The following ST6GALNAC5 variants were observed in gnomAD, a reference collection of about 807,000 sequenced individuals.
ST6GALNAC5 encodes the protein alpha-N-acetylgalactosaminide alpha-2,6-sialyltransferase 5.
In ST6GALNAC5, 27 loss-of-function variants were observed where a neutral mutation model predicts 33.6. That is an observed-to-expected ratio of 0.80 (90% confidence interval 0.59 to 1.11). ST6GALNAC5 has a LOEUF of 1.11. Ranked by LOEUF, ST6GALNAC5 falls within the 50% of genes least tolerant of loss-of-function variation. The probability of loss-of-function intolerance (pLI) is 0.00; values close to 1 mark genes in which losing one functional copy is unlikely to be tolerated. For synonymous variants in ST6GALNAC5, 194 were observed against 171.2 expected (o/e 1.13, Z -1.04); for missense variants, 428 against 454.0 (o/e 0.94, Z 0.52).
chr1:77,002,413 A>C (rs28891765), intron 2 of ST6GALNAC5, among the ~76,000 whole-genome samples: 120,777 of 151,984 alleles, frequency 0.79, 48,835 homozygotes, highest in East Asian at 0.93. Flanking sequence ...AGCGGTCTGT[A>C]AATTTTGTTG....
chr1:76,914,654 C>T lies in ST6GALNAC5; in HGVS notation c.261+45912C>T, dbSNP rs1045513474. ...GCTAGCCATATGTAGACAGCTGAAA[C>T]TGGATCCCTTCCTTACACCTTATAC... On this transcript the variant is annotated intron_variant, in intron 2 of 4. Transcript: ENST00000477717. Among the ~76,000 whole-genome samples the T allele has an allele frequency of 1.3e-3, 194 of 152,296 alleles. 1 individual carries two copies. Among genetic ancestry groups the T allele is most frequent in the Middle Eastern group, 3.4e-3 (1 of 294 alleles).
chr1:76,888,981 TC>T, intron 2 of ST6GALNAC5, among the ~76,000 whole-genome samples: 1 of 152,230 alleles, frequency 6.6e-6, no homozygotes, highest in African/African-American at 2.4e-5. Context: ...TTAACTATAA[TC>T]ACTGTGATGT....
chr1:77,038,787 C>G (rs1026071411), intron 2 of ST6GALNAC5, among the ~76,000 whole-genome samples: 1 of 152,196 alleles, frequency 6.6e-6, no homozygotes, highest in Admixed American at 6.5e-5. Flanking sequence ...CCTGTCACCA[C>G]AGCCCAAAGG....
At chr1:76,972,251 T>C (rs1648789076) in intron 2 of ST6GALNAC5, among the ~76,000 whole-genome samples, 1 of 152,150 alleles carries the variant, frequency 6.6e-6, no homozygotes, top group Non-Finnish European at 1.5e-5. Flanking sequence ...TCAGCTCTTG[T>C]GAGACTTATT....
At position 77,004,865 on chromosome 1, in the gene ST6GALNAC5, G is replaced by T. The variant is rs560213403; in HGVS notation, c.262-39339G>T. On this transcript the variant is annotated intron_variant, in intron 2 of 4. Transcript: ENST00000477717. ...TCTGCCCGTTCTCAGATCTCCAGCT[G>T]CGTGCTGGGAGAACCACTGCTCTCT... Among the ~76,000 whole-genome samples the T allele has an allele frequency of 3.3e-3, 450 of 135,918 alleles. 7 individuals carry two copies. Among genetic ancestry groups the T allele is most frequent in the African/African-American group, 0.011 (434 of 40,404 alleles). 89.2% of individuals were successfully genotyped at this position (135,918 alleles called of 152,430 possible). A position where few individuals can be genotyped will look rare whatever the true frequency, so the allele number is the denominator to read the frequency against.
At position 77,065,113 on chromosome 1, in the gene ST6GALNAC5, ACT is replaced by A. The variant is rs1200202596; in HGVS notation, c.*1910_*1911del. The A allele has an allele frequency of 6.6e-6, 1 of 152,162 alleles. No individual in the cohort carries two copies. Among genetic ancestry groups the A allele is most frequent in the African/African-American group, 2.4e-5 (1 of 41,442 alleles). 9.4% of individuals were successfully genotyped at this position (152,162 alleles called of 1,614,324 possible). A position where few individuals can be genotyped will look rare whatever the true frequency, so the allele number is the denominator to read the frequency against. On this transcript the variant is annotated 3_prime_UTR_variant, in exon 5 of 5. Transcript: ENST00000477717. Reference sequence around the variant, plus strand: ...CAACACATTGTCTTCCACAGCATGGACTCTGAACACATCATACTTTATCAACA... The same window carrying A: ...CAACACATTGTCTTCCACAGCATGGACTGAACACATCATACTTTATCAACA...
rs1652712327 is a variant in ST6GALNAC5 at position 77,064,549 on chromosome 1, C to T, written c.*1343C>T. The T allele has an allele frequency of 6.6e-6, 1 of 152,152 alleles. No individual in the cohort carries two copies. The highest frequency in any genetic ancestry group is 1.5e-5 in the Non-Finnish European group (1 of 68,028). 9.4% of individuals were successfully genotyped at this position (152,152 alleles called of 1,614,324 possible). A position where few individuals can be genotyped will look rare whatever the true frequency, so the allele number is the denominator to read the frequency against. ...TCATTCAACTCATTTATGCTATGAA[C>T]TGTTTAGACTCACTACAAATCTTCT... On this transcript the variant is annotated 3_prime_UTR_variant, in exon 5 of 5. Coordinates refer to ENST00000477717, the MANE Select transcript of ST6GALNAC5 (RefSeq NM_030965.3).
intron 2 of ST6GALNAC5, among the ~76,000 whole-genome samples, chr1:76,911,697 T>A (rs1347355316): frequency 6.6e-6 from 1 of 152,214 alleles, no homozygotes. Flanking sequence ...GAGGAATTTA[T>A]CCATTTCTTC....
At chr1:76,967,038 C>T (rs1102453) in intron 2 of ST6GALNAC5, among the ~76,000 whole-genome samples, 78,842 of 151,996 alleles carry the variant, frequency 0.52, 20,993 homozygotes, top group African/African-American at 0.64. Context: ...TGTTCATCAG[C>T]GATACTGGTC....
intron 2 of ST6GALNAC5, chr1:76,995,444 G>A (rs907904795): frequency 1.3e-5 from 2 of 152,218 alleles, no homozygotes; most frequent in Admixed American, 6.5e-5. Context: ...AAGGCAGGAA[G>A]TCTGCCAGGC....
At chr1:76,985,718 A>G (rs935260840) in intron 2 of ST6GALNAC5, among the ~76,000 whole-genome samples, 1 of 152,196 alleles carries the variant, frequency 6.6e-6, no homozygotes, top group Non-Finnish European at 1.5e-5. Context: ...AAGCAAAAAG[A>G]ACAAAGCTGG....
chr1:76,909,986 T>C (rs9728378), intron 2 of ST6GALNAC5, among the ~76,000 whole-genome samples: 12,952 of 152,072 alleles, frequency 0.085, 817 homozygotes, highest in Non-Finnish European at 0.13. Flanking sequence ...GTAGTCATAA[T>C]ATGCTTAGGA....
chr1:76,921,832 A>C (rs1167714230), intron 2 of ST6GALNAC5, among the ~76,000 whole-genome samples: 1 of 152,196 alleles, frequency 6.6e-6, no homozygotes, highest in East Asian at 1.9e-4. Flanking sequence ...GCTCTCAGCA[A>C]ACTAAGAATG....
intron 2 of ST6GALNAC5, among the ~76,000 whole-genome samples, chr1:76,983,396 A>G (rs868394084): frequency 1.3e-5 from 2 of 152,308 alleles, no homozygotes; most frequent in African/African-American, 4.8e-5. Flanking sequence ...TTAAACCAAC[A>G]AAGATCAAAG....
At chr1:76,903,048 A>C (rs760334784) in intron 2 of ST6GALNAC5, among the ~76,000 whole-genome samples, 8 of 152,188 alleles carry the variant, frequency 5.3e-5, no homozygotes, top group Non-Finnish European at 1.2e-4. Context: ...ATTGGTTTTC[A>C]CCAAAATTAA....
chr1:76,882,333 A>G (rs955039747), intron 2 of ST6GALNAC5, among the ~76,000 whole-genome samples: 2 of 152,198 alleles, frequency 1.3e-5, no homozygotes, highest in Non-Finnish European at 2.9e-5. Flanking sequence ...GCACTCATTT[A>G]GCTGAATTAC....
chr1:76,907,339 T>C (rs1017482415), intron 2 of ST6GALNAC5, among the ~76,000 whole-genome samples: 1 of 152,110 alleles, frequency 6.6e-6, no homozygotes, highest in Non-Finnish European at 1.5e-5. Context: ...TCCTATTATC[T>C]CTGAGAACAC....
intron 2 of ST6GALNAC5, among the ~76,000 whole-genome samples, chr1:77,039,834 C>T (rs892040136): frequency 3.9e-5 from 6 of 152,140 alleles, no homozygotes; most frequent in African/African-American, 1.2e-4. Context: ...GCGGAGAGCC[C>T]GCTGGAGCCA....
At chr1:77,040,332 C>A (rs562242485) in intron 2 of ST6GALNAC5, among the ~76,000 whole-genome samples, 37 of 152,312 alleles carry the variant, frequency 2.4e-4, no homozygotes, top group Admixed American at 2.0e-3. Flanking sequence ...AGACTTCGAT[C>A]TTTTTTGCAT....
Sources: gnomAD v4.1 joint callset for allele counts (sites outside exome capture counted in the v4.1 genomes callset) on GRCh38, gnomAD v4.1.1 for gene constraint, MANE v1.5 for transcripts, NCBI Gene and HGNC (gene_info 2026-07-23, HGNC 2026-07-21) for gene names.